Variants in RPH3A observed in about 807,000 individuals in gnomAD.
RPH3A encodes rabphilin-3A.
A neutral mutation model predicts 102.2 loss-of-function variants in RPH3A; 48 were observed. The observed-to-expected ratio is 0.47, with a 90% CI of 0.37 to 0.60. The LOEUF (loss-of-function observed/expected upper bound fraction) is 0.60, where lower values mean the gene tolerates loss of function less well. Among genes scored for constraint, RPH3A ranks in the 20% least tolerant of loss-of-function variants. RPH3A has a pLI of 0.00. For missense variants in RPH3A, 781 were observed against 910.1 expected (o/e 0.86, Z 1.83); for synonymous variants, 310 against 324.3 (o/e 0.96, Z 0.47).
At chr12:112,886,424 T>A (rs991209990) in intron 16 of RPH3A, among the ~76,000 whole-genome samples, 3 of 151,940 alleles carry the variant, frequency 2.0e-5, no homozygotes, top group African/African-American at 7.3e-5. Flanking sequence ...ATAAGGAGCG[T>A]GCAAACTAGA....
chr12:112,890,142 TC>T, intron 18 of RPH3A, 62 bp downstream of exon 18: 2 of 1,405,230 alleles, frequency 1.4e-6, no homozygotes, highest in Non-Finnish European at 2.0e-6. Context: ...GCTAGCATCT[TC>T]CTCTTCTCTC....
chr12:112,691,170 G>T (rs879653622), intron 1 of RPH3A, among the ~76,000 whole-genome samples: 7 of 152,108 alleles, frequency 4.6e-5, no homozygotes, highest in Non-Finnish European at 7.4e-5. Flanking sequence ...GACTACAGGC[G>T]CCCGCCACCA....
At chr12:112,642,081 G>C (rs1288554470) in intron 1 of RPH3A, among the ~76,000 whole-genome samples, 2 of 152,134 alleles carry the variant, frequency 1.3e-5, no homozygotes, top group African/African-American at 4.8e-5. Flanking sequence ...CTAAATGCTG[G>C]AGATGTAGCA....
chr12:112,678,320 A>G (rs7964494), intron 1 of RPH3A, among the ~76,000 whole-genome samples: 1,532 of 47,736 alleles, frequency 0.032, 367 homozygotes, highest in Middle Eastern at 0.056. Context: ...AGAGAGAGAA[A>G]GAAAGAAAGA....
chr12:112,596,910 G>A (rs185652334), intron 1 of RPH3A, among the ~76,000 whole-genome samples: 1 of 152,210 alleles, frequency 6.6e-6, no homozygotes, highest in Non-Finnish European at 1.5e-5. Flanking sequence ...GTTTTTGTCA[G>A]TGTAGAGGTC....
intron 2 of RPH3A, among the ~76,000 whole-genome samples, chr12:112,793,593 A>G (rs1030582781): frequency 6.6e-6 from 1 of 152,244 alleles, no homozygotes; most frequent in Non-Finnish European, 1.5e-5. Context: ...GGTTCTCAAA[A>G]TCCCTAACTT....
At chr12:112,790,023 C>T (rs57156303), upstream of RPH3A, among the ~76,000 whole-genome samples, 5,168 of 151,696 alleles carry the variant, frequency 0.034, 272 homozygotes, top group African/African-American at 0.12. Context: ...TGCACCACTG[C>T]GCTCCAGCTT....
intron 1 of RPH3A, among the ~76,000 whole-genome samples, chr12:112,605,237 T>C (rs1592903193): frequency 6.6e-6 from 1 of 152,072 alleles, no homozygotes; most frequent in Non-Finnish European, 1.5e-5. Context: ...TAGCCAGGCA[T>C]GGTGGCACAC....
At chr12:112,767,200 C>A (rs533875419) in intron 1 of RPH3A, among the ~76,000 whole-genome samples, 2 of 152,154 alleles carry the variant, frequency 1.3e-5, no homozygotes, top group Non-Finnish European at 2.9e-5. Context: ...AGGGCAGGGA[C>A]CATGTCTTAT....
chr12:112,856,119 C>T (rs2042406435), intron 5 of RPH3A, among the ~76,000 whole-genome samples: 1 of 152,188 alleles, frequency 6.6e-6, no homozygotes, highest in African/African-American at 2.4e-5. Flanking sequence ...CAGAGACTGG[C>T]ACATAAACCC....
intron 3 of RPH3A, among the ~76,000 whole-genome samples, chr12:112,832,657 C>T (rs939616385): frequency 1.3e-5 from 2 of 152,150 alleles, no homozygotes; most frequent in Non-Finnish European, 2.9e-5. Context: ...GCCTGGCCAA[C>T]ACAGTGAGAC....
At chr12:112,885,569 C>T (rs1325864978) in intron 16 of RPH3A, among the ~76,000 whole-genome samples, 2 of 152,142 alleles carry the variant, frequency 1.3e-5, no homozygotes, top group African/African-American at 4.8e-5. Flanking sequence ...TTGTGACAAA[C>T]ATCTTTGTAG....
At chr12:112,611,878 G>A (rs1263547385) in intron 1 of RPH3A, among the ~76,000 whole-genome samples, 1 of 151,846 alleles carries the variant, frequency 6.6e-6, no homozygotes, top group Non-Finnish European at 1.5e-5. Context: ...GAAATTAGCA[G>A]CCTGCAGTAG....
At chr12:112,654,056 G>T (rs2039994207) in intron 1 of RPH3A, among the ~76,000 whole-genome samples, 1 of 152,132 alleles carries the variant, frequency 6.6e-6, no homozygotes, top group Non-Finnish European at 1.5e-5. Flanking sequence ...ATCTTCAGGG[G>T]CAAGAACTTG....
chr12:112,823,214 C>T (rs963461200), intron 2 of RPH3A, among the ~76,000 whole-genome samples: 6 of 152,174 alleles, frequency 3.9e-5, no homozygotes. Flanking sequence ...TTATCAGAAC[C>T]CAACAATCCA....
At chr12:112,586,159 A>G (rs1285655672) in intron 1 of RPH3A, among the ~76,000 whole-genome samples, 1 of 152,208 alleles carries the variant, frequency 6.6e-6, no homozygotes, top group African/African-American at 2.4e-5. Context: ...AGTTCTCCCC[A>G]TTCTACCCTG....
rs1430121018 is a variant in RPH3A, at chr12:112,883,320, C to A, written c.1354C>A (p.Arg452=). Residue 452 remains arginine, a synonymous_variant, in exon 16 of 22, where the codon CGG becomes AGG. Transcript: ENST00000389385. Reference sequence around the variant, plus strand: ...CAACAAGCTTCGTACAAAAACTCTGCGGAATACCCGGAACCCCATCTGGAA... The same window carrying A: ...CAACAAGCTTCGTACAAAAACTCTGAGGAATACCCGGAACCCCATCTGGAA... ...KSNKLRTKTL[R]NTRNPIWNET... 1 of 1,614,024 alleles carries A rather than the reference C, an allele frequency of 6.2e-7. No individual in the cohort carries two copies. The highest frequency in any genetic ancestry group is 8.5e-7 in the Non-Finnish European group (1 of 1,179,938).
At chr12:112,859,559 C>T (rs2042472926) in intron 5 of RPH3A, among the ~76,000 whole-genome samples, 1 of 152,144 alleles carries the variant, frequency 6.6e-6, no homozygotes, top group Non-Finnish European at 1.5e-5. Flanking sequence ...TTTGAGTGCA[C>T]ACAATGGAGA....
rs115563803 is a variant in RPH3A at position 112,672,970 on chromosome 12, T to C, written c.-140+97651T>C. 6.1e-3 allele frequency among the ~76,000 whole-genome samples: 933 copies of C among 152,128 alleles called. 9 individuals carry two copies. The highest frequency in any genetic ancestry group is 0.021 in the African/African-American group (888 of 41,510). On this transcript the variant is annotated intron_variant, in intron 1 of 21. Coordinates refer to the RPH3A transcript ENST00000543106. ...ACTGATGGGGAGTTAATAACCAACT[T>C]ACCTTCCCCCTGCTTGTGATTTCTT...
Sources: allele counts gnomAD v4.1 joint callset (sites outside exome capture counted in the v4.1 genomes callset), GRCh38; gene constraint gnomAD v4.1.1; transcripts MANE v1.5; gene names NCBI Gene and HGNC (gene_info 2026-07-23, HGNC 2026-07-21).